Variants in LRRC4C observed in about 807,000 individuals in gnomAD.
LRRC4C encodes the protein leucine rich repeat containing 4C, also known as leucine-rich repeat-containing protein 4C.
In LRRC4C, 5 loss-of-function variants were observed where a neutral mutation model predicts 33.6. That is an observed-to-expected ratio of 0.15 (90% CI 0.08 to 0.31). The LOEUF (loss-of-function observed/expected upper bound fraction) is 0.31. Ranked by LOEUF, LRRC4C falls within the 10% of genes least tolerant of loss-of-function variation. The pLI is 1.00. For missense variants in LRRC4C, 560 were observed against 796.7 expected (o/e 0.70, Z 3.58); for synonymous variants, 329 against 302.0 (o/e 1.09, Z -0.93).
intron 1 of LRRC4C, among the ~76,000 whole-genome samples, chr11:41,250,854 G>T (rs985926410): frequency 9.9e-5 from 15 of 152,180 alleles, no homozygotes; most frequent in Non-Finnish European, 1.9e-4. Context: ...AGAAGCTTAA[G>T]ATGTACTAAC....
At chr11:40,890,756 G>A (rs1022654759) in intron 2 of LRRC4C, among the ~76,000 whole-genome samples, 2 of 151,904 alleles carry the variant, frequency 1.3e-5, no homozygotes, top group Admixed American at 6.6e-5. Flanking sequence ...TGTATGTTAT[G>A]ACATTAAGTA....
chr11:40,751,599 G>A (rs1398808093), intron 2 of LRRC4C, among the ~76,000 whole-genome samples: 1 of 151,982 alleles, frequency 6.6e-6, no homozygotes, highest in Non-Finnish European at 1.5e-5. Context: ...GTAAGAAATT[G>A]TAGAGGTAAA....
intron 1 of LRRC4C, among the ~76,000 whole-genome samples, chr11:40,937,124 T>C (rs1592136759): frequency 6.6e-6 from 1 of 152,192 alleles, no homozygotes; most frequent in East Asian, 1.9e-4. Context: ...TGTGAAGTAT[T>C]ATGCAACCAT....
At chr11:40,628,434 C>T (rs752816474) in intron 3 of LRRC4C, among the ~76,000 whole-genome samples, 24 of 152,162 alleles carry the variant, frequency 1.6e-4, no homozygotes, top group Non-Finnish European at 2.6e-4. Flanking sequence ...GCCGAGATTG[C>T]GCCACTGCAC....
chr11:40,900,929 T>C (rs549833485), intron 2 of LRRC4C, among the ~76,000 whole-genome samples: 1 of 152,090 alleles, frequency 6.6e-6, no homozygotes, highest in African/African-American at 2.4e-5. Context: ...GAAAGTTATC[T>C]GTCATTTTCT....
At chr11:40,158,788 T>C (rs1858918443) in intron 5 of LRRC4C, among the ~76,000 whole-genome samples, 1 of 152,156 alleles carries the variant, frequency 6.6e-6, no homozygotes, top group African/African-American at 2.4e-5. Context: ...AACTGACATT[T>C]GATTCTAGTC....
chr11:40,254,867 G>A (rs907601215), intron 4 of LRRC4C, among the ~76,000 whole-genome samples: 1 of 152,090 alleles, frequency 6.6e-6, no homozygotes, highest in African/African-American at 2.4e-5. Context: ...AAAGTGCAGT[G>A]GTCCAATTAT....
chr11:40,448,412 C>T (rs535775378), intron 3 of LRRC4C, among the ~76,000 whole-genome samples: 1 of 152,032 alleles, frequency 6.6e-6, no homozygotes, highest in African/African-American at 2.4e-5. Flanking sequence ...CTCCCCACCC[C>T]CCGACAGGCC....
chr11:40,408,129 A>G (rs1252822371), intron 3 of LRRC4C, among the ~76,000 whole-genome samples: 1 of 151,996 alleles, frequency 6.6e-6, no homozygotes, highest in Non-Finnish European at 1.5e-5. Flanking sequence ...TGAGATTCCT[A>G]CTGAAGCTCT....
chr11:40,579,561 G>A (rs1958372350), intron 3 of LRRC4C, among the ~76,000 whole-genome samples: 2 of 152,150 alleles, frequency 1.3e-5, no homozygotes, highest in South Asian at 2.1e-4. Flanking sequence ...TAAATTCCTA[G>A]AGCTTTGCAA....
intron 2 of LRRC4C, among the ~76,000 whole-genome samples, chr11:40,897,698 C>T (rs1053852289): frequency 3.9e-5 from 6 of 152,178 alleles, no homozygotes; most frequent in African/African-American, 1.4e-4. Context: ...AAGCAATATA[C>T]AGCTATTACT....
chr11:40,743,614 A>C (rs1271333241), intron 2 of LRRC4C, among the ~76,000 whole-genome samples: 4 of 152,248 alleles, frequency 2.6e-5, no homozygotes, highest in Admixed American at 2.6e-4. Context: ...AGAAGTAGAC[A>C]TTTTTGGAGG....
chr11:40,576,144 C>T (rs535919918), intron 3 of LRRC4C, among the ~76,000 whole-genome samples: 17 of 152,188 alleles, frequency 1.1e-4, no homozygotes, highest in Admixed American at 7.8e-4. Context: ...AAGTAAGCCA[C>T]GACAAAGGTC....
chr11:41,393,616 C>T (rs142954176), intron 1 of LRRC4C, among the ~76,000 whole-genome samples: 1 of 151,970 alleles, frequency 6.6e-6, no homozygotes, highest in South Asian at 2.1e-4. Flanking sequence ...CATAAAAGCA[C>T]TCAAGAAGAG....
At chr11:41,427,596 A>G (rs939089391) in intron 1 of LRRC4C, among the ~76,000 whole-genome samples, 1 of 152,126 alleles carries the variant, frequency 6.6e-6, no homozygotes, top group African/African-American at 2.4e-5. Flanking sequence ...GATTTAAGGC[A>G]ATGACAAGCT....
intron 1 of LRRC4C, among the ~76,000 whole-genome samples, chr11:41,205,892 A>G (rs1946581896): frequency 6.6e-6 from 1 of 152,140 alleles, no homozygotes; most frequent in African/African-American, 2.4e-5. Flanking sequence ...AATTTAAACC[A>G]AGCAAGTTAG....
At chr11:40,753,540 C>CT (rs34980126) in intron 2 of LRRC4C, among the ~76,000 whole-genome samples, 30,477 of 129,632 alleles carry the variant, frequency 0.24, 3,803 homozygotes, top group Non-Finnish European at 0.26. Flanking sequence ...CACAGAGGCA[C>CT]TTTTTTTTTT....
intron 1 of LRRC4C, among the ~76,000 whole-genome samples, chr11:41,109,072 ATTAC>A (rs1356017338): frequency 6.6e-6 from 1 of 152,066 alleles, no homozygotes; most frequent in Non-Finnish European, 1.5e-5. Context: ...GATAATATAA[ATTAC>A]TTAATGTTTT....
intron 1 of LRRC4C, among the ~76,000 whole-genome samples, chr11:41,332,502 C>T (rs1407247289): frequency 6.6e-6 from 1 of 152,012 alleles, no homozygotes; most frequent in African/African-American, 2.4e-5. Flanking sequence ...ACATATTGTG[C>T]CAGAAAGGAA....
Sources: allele counts gnomAD v4.1 joint callset (sites outside exome capture counted in the v4.1 genomes callset), GRCh38; gene constraint gnomAD v4.1.1; transcripts MANE v1.5; gene names NCBI Gene and HGNC (gene_info 2026-07-23, HGNC 2026-07-21).